The following IMMP2L variants were observed in gnomAD, a reference collection of about 807,000 sequenced individuals.
The protein encoded by IMMP2L is inner mitochondrial membrane peptidase subunit 2.
Under a neutral mutation model 19.3 loss-of-function variants are expected in IMMP2L, and 18 were observed. That is an observed-to-expected ratio of 0.93 (90% CI 0.64 to 1.38). The LOEUF (loss-of-function observed/expected upper bound fraction) is 1.38. Ranked by LOEUF, IMMP2L falls within the 40% of genes most tolerant of loss-of-function variation. IMMP2L has a pLI of 0.00. For missense variants in IMMP2L, 233 were observed against 218.2 expected, an observed-to-expected ratio of 1.07 and a Z score of -0.43; for synonymous variants, 76 against 73.0, an observed-to-expected ratio of 1.04 and a Z score of -0.21.
rs7776829 is a variant in IMMP2L, at chr7:111,425,529, G to A, written c.239+61709C>T. Reference sequence around the variant, plus strand: ...GAAATGCATTATAAATAAATAAGATGGACTGATGGATGAATAGAGGGATTA... The same window carrying A: ...GAAATGCATTATAAATAAATAAGATAGACTGATGGATGAATAGAGGGATTA... On this transcript the variant is annotated intron_variant, in intron 3 of 5. Transcript: ENST00000405709. Among the ~76,000 whole-genome samples, 317 of 150,956 alleles carry A rather than the reference G, an allele frequency of 2.1e-3. 14 individuals carry two copies. The highest frequency in any genetic ancestry group is 6.5e-3 in the African/African-American group (265 of 41,066).
In IMMP2L at chr7:110,787,962, C is replaced by T. The variant is rs1584828726; in HGVS notation, c.408+98631G>A. ...GGTCTATATGAGGAAAGGGAGGGAACCCAGCATACATCATTTACACTGCAT... is the reference window on the plus strand; with the variant it reads ...GGTCTATATGAGGAAAGGGAGGGAATCCAGCATACATCATTTACACTGCAT... On this transcript the variant is annotated intron_variant, in intron 5 of 5. Coordinates refer to ENST00000405709, the MANE Select transcript of IMMP2L (RefSeq NM_032549.4). 2.0e-5 allele frequency among the ~76,000 whole-genome samples: 3 copies of T among 151,908 alleles called. No homozygotes were observed. The South Asian group carries it at 6.2e-4, about 31-fold the overall frequency.
intron 3 of IMMP2L, among the ~76,000 whole-genome samples, chr7:111,388,876 T>A (rs1271713404): frequency 6.6e-6 from 1 of 152,086 alleles, no homozygotes; most frequent in African/African-American, 2.4e-5. Context: ...CCAAGCCATA[T>A]CAATATATGT....
chr7:111,500,572 A>G lies in IMMP2L; in HGVS notation c.136-13231T>C, dbSNP rs563320694. Among the ~76,000 whole-genome samples, 37 of 152,258 alleles carry G rather than the reference A, an allele frequency of 2.4e-4. 1 individual carries two copies. The highest frequency in any genetic ancestry group is 3.4e-3 in the Middle Eastern group (1 of 294). On this transcript the variant is annotated intron_variant, in intron 2 of 5. Transcript: ENST00000405709. Reference sequence around the variant, plus strand: ...GGCATCCGCCAGTACGGGCAGACTGACACCTCACATGGCCGGGTACTCCTC... The same window carrying G: ...GGCATCCGCCAGTACGGGCAGACTGGCACCTCACATGGCCGGGTACTCCTC...
At chr7:110,936,368 C>T (rs2129552389) in intron 4 of IMMP2L, among the ~76,000 whole-genome samples, 1 of 152,242 alleles carries the variant, frequency 6.6e-6, no homozygotes, top group African/African-American at 2.4e-5. Context: ...AAACAAACAA[C>T]CCCACCAAAA....
intron 3 of IMMP2L, among the ~76,000 whole-genome samples, chr7:111,253,481 T>A (rs1332327777): frequency 1.3e-5 from 2 of 152,044 alleles, no homozygotes; most frequent in African/African-American, 2.4e-5. Flanking sequence ...TAACATGACA[T>A]ACAAGGCTCA....
intron 3 of IMMP2L, among the ~76,000 whole-genome samples, chr7:111,118,804 TTG>T (rs1199311868): frequency 6.6e-6 from 1 of 152,232 alleles, no homozygotes; most frequent in African/African-American, 2.4e-5. Context: ...ATATTCTCTA[TTG>T]TGTTTCCCAT....
chr7:111,243,545 T>C (rs1411187649), intron 3 of IMMP2L, among the ~76,000 whole-genome samples: 3 of 149,186 alleles, frequency 2.0e-5, no homozygotes, highest in Non-Finnish European at 3.0e-5. Context: ...CTCTAAGTTT[T>C]AGGGTACATG....
At chr7:110,859,401 A>T (rs1005958922) in intron 5 of IMMP2L, among the ~76,000 whole-genome samples, 3 of 152,054 alleles carry the variant, frequency 2.0e-5, no homozygotes, top group African/African-American at 7.2e-5. Context: ...TCAGAGCAAA[A>T]TTTGAGACTA....
chr7:111,001,426 T>C (rs2129561328), intron 3 of IMMP2L, among the ~76,000 whole-genome samples: 1 of 152,264 alleles, frequency 6.6e-6, no homozygotes, highest in South Asian at 2.1e-4. Flanking sequence ...ATTAAATAAA[T>C]ATAATATGTT....
In IMMP2L at chr7:111,449,862, T is replaced by C. The variant is rs1416382228; in HGVS notation, c.239+37376A>G. The stretch of plus-strand genomic sequence containing the variant: ...AAGCTGATAAGCAACTTCAGCAAAG[T>C]CTCAGGATACAAAATCAATGTACAA... On this transcript the variant is annotated intron_variant, in intron 3 of 5. Transcript: ENST00000405709. Among the ~76,000 whole-genome samples, 11 of 124,540 alleles carry C rather than the reference T, an allele frequency of 8.8e-5. No homozygotes were observed. The East Asian group carries it at 2.1e-3, about 23-fold the overall frequency. The allele number at this position is 124,540 out of a possible 152,430, so 81.7% of individuals were successfully genotyped here. A position where few individuals can be genotyped will look rare whatever the true frequency, so the allele number is the denominator to read the frequency against.
At chr7:111,552,087 G>C (rs1330698321) in intron 1 of IMMP2L, among the ~76,000 whole-genome samples, 1 of 152,020 alleles carries the variant, frequency 6.6e-6, no homozygotes, top group Admixed American at 6.6e-5. Context: ...CTACACCAGA[G>C]ATGTGAGAAA....
At chr7:111,377,760 T>C (rs933425927) in intron 3 of IMMP2L, among the ~76,000 whole-genome samples, 3 of 152,064 alleles carry the variant, frequency 2.0e-5, no homozygotes, top group Non-Finnish European at 2.9e-5. Flanking sequence ...ATTTGATATA[T>C]ACTCTAAACT....
intron 3 of IMMP2L, among the ~76,000 whole-genome samples, chr7:111,062,793 G>C (rs1794141178): frequency 6.6e-6 from 1 of 152,180 alleles, no homozygotes; most frequent in Non-Finnish European, 1.5e-5. Context: ...GATCTCCTTT[G>C]ACCCCATGTC....
intron 3 of IMMP2L, among the ~76,000 whole-genome samples, chr7:111,368,762 T>C (rs1830016224): frequency 6.6e-6 from 1 of 151,948 alleles, no homozygotes; most frequent in Non-Finnish European, 1.5e-5. Context: ...GATAAAATTA[T>C]ATAATCTTAT....
intron 3 of IMMP2L, among the ~76,000 whole-genome samples, chr7:111,316,845 CTTTTTTTTTTTTT>C (rs869155077): frequency 6.6e-5 from 5 of 75,904 alleles, no homozygotes; most frequent in Non-Finnish European, 9.5e-5. Flanking sequence ...TTTTTTTTTT[CTTTTTTTTTTTTT>C]TTTTTTTTTT....
At chr7:110,837,537 G>A (rs1051537356) in intron 5 of IMMP2L, among the ~76,000 whole-genome samples, 3 of 151,800 alleles carry the variant, frequency 2.0e-5, no homozygotes, top group Non-Finnish European at 4.4e-5. Context: ...GCTGAAGGAG[G>A]GAAGATGAAG....
chr7:111,276,400 C>T (rs1266078373), intron 3 of IMMP2L, among the ~76,000 whole-genome samples: 1 of 151,922 alleles, frequency 6.6e-6, no homozygotes, highest in Non-Finnish European at 1.5e-5. Context: ...TTTTGGTCTG[C>T]AGTTTTCTTT....
intron 3 of IMMP2L, among the ~76,000 whole-genome samples, chr7:111,197,356 G>C (rs992852025): frequency 2.0e-5 from 3 of 152,130 alleles, no homozygotes; most frequent in Middle Eastern, 6.8e-3. Flanking sequence ...CCAGCTACTC[G>C]GGAGGCTGAG....
intron 3 of IMMP2L, among the ~76,000 whole-genome samples, chr7:111,456,558 A>G (rs1839690243): frequency 6.6e-6 from 1 of 152,178 alleles, no homozygotes; most frequent in Non-Finnish European, 1.5e-5. Flanking sequence ...TTTCCAAATT[A>G]AAAACAAAAT....
Sources: allele counts gnomAD v4.1 joint callset (sites outside exome capture counted in the v4.1 genomes callset), GRCh38; gene constraint gnomAD v4.1.1; transcripts MANE v1.5; gene names NCBI Gene and HGNC (gene_info 2026-07-23, HGNC 2026-07-21).